Variants in WDFY4 observed in about 807,000 individuals in gnomAD.
The protein encoded by WDFY4 is WD repeat- and FYVE domain-containing protein 4.
In WDFY4, 169 loss-of-function variants were observed where a neutral mutation model predicts 351.9. The observed-to-expected ratio is 0.48, with a 90% CI of 0.42 to 0.55. The LOEUF (loss-of-function observed/expected upper bound fraction) is 0.55. Among genes scored for constraint, WDFY4 ranks in the 20% least tolerant of loss-of-function variants. The pLI is 0.00. For synonymous variants in WDFY4, 1,622 were observed against 1,574.6 expected (o/e 1.03, Z -0.71); for missense variants, 3,803 against 3,935.6 (o/e 0.97, Z 0.90).
intron 47 of WDFY4, chr10:48,914,027 G>T: frequency 6.2e-7 from 1 of 1,614,192 alleles, no homozygotes; most frequent in Non-Finnish European, 8.5e-7. Flanking sequence ...GAATACACTT[G>T]GGGAAGGTGG....
intron 43 of WDFY4, among the ~76,000 whole-genome samples, chr10:48,885,247 C>T (rs2070407828): frequency 6.6e-6 from 1 of 152,174 alleles, no homozygotes. Flanking sequence ...TTTTATCAAG[C>T]TGTGCAGGTG....
chr10:48,911,213 T>C (rs559062228), intron 47 of WDFY4, among the ~76,000 whole-genome samples: 12 of 152,270 alleles, frequency 7.9e-5, no homozygotes, highest in Non-Finnish European at 1.2e-4. Context: ...CCCCTCAGCT[T>C]CAGAAGGGGT....
At chr10:48,933,917 G>A (rs1327934198) in intron 47 of WDFY4, among the ~76,000 whole-genome samples, 1 of 152,076 alleles carries the variant, frequency 6.6e-6, no homozygotes, top group Non-Finnish European at 1.5e-5. Context: ...AGAGACCATT[G>A]GAGGCCCAAG....
At chr10:48,822,770 CCCTGCACTTGCA>C (rs1275780683) in intron 35 of WDFY4, among the ~76,000 whole-genome samples, 1 of 152,214 alleles carries the variant, frequency 6.6e-6, no homozygotes, top group Non-Finnish European at 1.5e-5. Context: ...AGCCTCAGCT[CCCTGCACTTGCA>C]CCTGAGCTCT....
chr10:48,729,453 C>G lies in WDFY4; in HGVS notation c.993C>G (p.Ser331Arg). Residue 331 changes from serine (S) to arginine (R), a missense_variant, in exon 8 of 62, where the codon AGC becomes AGG. Physicochemically the swap from Ser to Arg is moderately radical, Grantham distance 110. Around this residue, in one of 3 missense-constraint regions of WDFY4, gnomAD observed 488 missense variants for 456.8 expected, o/e 1.07. Transcript: ENST00000325239. ...VLLRYDGLTQ[S>R]EVDPHLEELL... ...CCAGGTATGATGGGCTGACCCAGAG[C>G]GAAGTGGACCCGCATCTGGAGGAGC... 1 of 1,551,196 alleles carries G rather than the reference C, an allele frequency of 6.4e-7. No individual in the cohort carries two copies.
intron 39 of WDFY4, among the ~76,000 whole-genome samples, chr10:48,843,716 T>C (rs1400047949): frequency 6.6e-6 from 1 of 152,202 alleles, no homozygotes; most frequent in African/African-American, 2.4e-5. Flanking sequence ...AGCATCTATT[T>C]TGAGGTTCAG....
chr10:48,896,864 G>C (rs991666563), intron 44 of WDFY4, among the ~76,000 whole-genome samples: 1 of 152,134 alleles, frequency 6.6e-6, no homozygotes, highest in Non-Finnish European at 1.5e-5. Flanking sequence ...GCCCTGCCAG[G>C]GAAAGAGGTC....
intron 39 of WDFY4, among the ~76,000 whole-genome samples, chr10:48,851,926 T>C (rs1238693552): frequency 6.6e-6 from 1 of 152,240 alleles, no homozygotes; most frequent in Non-Finnish European, 1.5e-5. Flanking sequence ...TAGACCCGCT[T>C]TGCCTCCCAA....
At chr10:48,884,120 A>G (rs1243833859) in intron 43 of WDFY4, 2 of 152,084 alleles carry the variant, frequency 1.3e-5, no homozygotes, top group Non-Finnish European at 2.9e-5. Flanking sequence ...AAAATTAAAC[A>G]TCTGATTTTT....
At chr10:48,804,902 T>TAG in intron 25 of WDFY4, 12 of 490,560 alleles carry the variant, frequency 2.4e-5, no homozygotes, top group Non-Finnish European at 2.4e-5. Flanking sequence ...GGCCCTGCAC[T>TAG]CCTGGCTGGT....
intron 10 of WDFY4, among the ~76,000 whole-genome samples, chr10:48,734,991 A>C (rs2064608317): frequency 7.6e-6 from 1 of 132,442 alleles, no homozygotes; most frequent in Non-Finnish European, 1.6e-5. Flanking sequence ...GGGCTTTACC[A>C]TGTTGACCAG....
At chr10:48,723,113 TC>T (rs1034172583) in intron 4 of WDFY4, among the ~76,000 whole-genome samples, 46 of 152,076 alleles carry the variant, frequency 3.0e-4, no homozygotes, top group African/African-American at 1.1e-3. Context: ...TGTTCTAATT[TC>T]TACAGTCCCT....
chr10:48,778,980 G>A (rs529081442), intron 18 of WDFY4, 148 bp downstream of exon 18: 1 of 845,938 alleles, frequency 1.2e-6, no homozygotes, highest in East Asian at 2.7e-5. Flanking sequence ...TTCCATACCT[G>A]GTGAAAGGTC....
intron 38 of WDFY4, among the ~76,000 whole-genome samples, chr10:48,831,544 C>A (rs1415220745): frequency 6.6e-6 from 1 of 152,226 alleles, no homozygotes; most frequent in African/African-American, 2.4e-5. Flanking sequence ...TTGTCCCAGA[C>A]TGTCCAGTGG....
At chr10:48,790,090 C>T (rs1403170634) in intron 22 of WDFY4, 105 bp downstream of exon 22, 2 of 1,118,272 alleles carry the variant, frequency 1.8e-6, no homozygotes, top group Non-Finnish European at 2.6e-6. Context: ...TGGAGTGTGC[C>T]AGGGAACCAG....
chr10:48,848,522 G>C (rs1265676558), intron 39 of WDFY4, among the ~76,000 whole-genome samples: 1 of 152,196 alleles, frequency 6.6e-6, no homozygotes, highest in Non-Finnish European at 1.5e-5. Flanking sequence ...GCGTCAGCAG[G>C]TCATGCTGGG....
At chr10:48,710,872 A>G (rs1353334891) in intron 2 of WDFY4, among the ~76,000 whole-genome samples, 2 of 152,206 alleles carry the variant, frequency 1.3e-5, no homozygotes, top group Non-Finnish European at 2.9e-5. Context: ...TTCCTTTGTT[A>G]TCTGGGAGCA....
intron 41 of WDFY4, among the ~76,000 whole-genome samples, chr10:48,874,754 C>G (rs1003357145): frequency 1.3e-5 from 2 of 152,204 alleles, no homozygotes; most frequent in African/African-American, 4.8e-5. Context: ...GGCTGTCCAG[C>G]CCTGGAACCT....
At chr10:48,870,354 T>C (rs2069718361) in intron 40 of WDFY4, among the ~76,000 whole-genome samples, 1 of 152,060 alleles carries the variant, frequency 6.6e-6, no homozygotes, top group South Asian at 2.1e-4. Flanking sequence ...TGGGCATCAT[T>C]GCGAGACCCC....
Sources: gnomAD v4.1 joint callset for allele counts (sites outside exome capture counted in the v4.1 genomes callset) on GRCh38, gnomAD v4.1.1 for gene constraint, gnomAD v4.1.1 regional missense constraint, MANE v1.5 for transcripts, NCBI Gene and HGNC (gene_info 2026-07-23, HGNC 2026-07-21) for gene names.